The following TTC23 variants were observed in gnomAD, a reference collection of about 807,000 sequenced individuals.
The protein encoded by TTC23 is tetratricopeptide repeat domain 23.
In TTC23, 58 loss-of-function variants were observed where a neutral mutation model predicts 55.1. The observed-to-expected ratio is 1.05, with a 90% CI of 0.85 to 1.31. The LOEUF (loss-of-function observed/expected upper bound fraction) is 1.31, where lower values mean the gene tolerates loss of function less well. Ranked by LOEUF, TTC23 falls within the 50% of genes most tolerant of loss-of-function variation. TTC23 has a pLI of 0.00. For synonymous variants in TTC23, 203 were observed against 199.9 expected (o/e 1.02, Z -0.13); for missense variants, 516 against 534.4 (o/e 0.97, Z 0.34).
chr15:99,194,552 CAAA>C (rs760038465), intron 9 of TTC23, among the ~76,000 whole-genome samples: 2 of 40,452 alleles, frequency 4.9e-5, no homozygotes, highest in Non-Finnish European at 1.0e-4. Flanking sequence ...ACATCACGTG[CAAA>C]AAAAAAAAAA....
intron 8 of TTC23, among the ~76,000 whole-genome samples, chr15:99,210,940 C>T (rs1244261844): frequency 6.6e-6 from 1 of 152,170 alleles, no homozygotes; most frequent in Non-Finnish European, 1.5e-5. Context: ...CTCCTCCTTC[C>T]TAGTAAGTAC....
At position 99,156,306 on chromosome 15, in the gene TTC23, G is replaced by T; in HGVS notation, c.994-9C>A. 1 of 1,612,480 alleles carries T rather than the reference G, an allele frequency of 6.2e-7. No homozygotes were observed. The highest frequency in any genetic ancestry group is 8.5e-7 in the Non-Finnish European group (1 of 1,179,112). On this transcript the variant is annotated splice_polypyrimidine_tract_variant and intron_variant, in intron 11 of 13. Coordinates refer to ENST00000394132, the MANE Select transcript of TTC23 (RefSeq NM_001288615.3). ...AGGATCGAGGTTGCTCTCTGTGAAA[G>T]GAACAAAAAGCTATCTGGTTAACAA...
chr15:99,244,765 T>G (rs1419452783), intron 2 of TTC23, among the ~76,000 whole-genome samples: 2 of 152,112 alleles, frequency 1.3e-5, no homozygotes, highest in African/African-American at 4.8e-5. Flanking sequence ...TTTGCAGAAA[T>G]TAACAAGTTG....
chr15:99,205,099 G>T (rs1403144533), intron 8 of TTC23, among the ~76,000 whole-genome samples: 1 of 152,120 alleles, frequency 6.6e-6, no homozygotes, highest in Non-Finnish European at 1.5e-5. Flanking sequence ...TAAAAAATGA[G>T]TTGACTGTAA....
intron 8 of TTC23, among the ~76,000 whole-genome samples, chr15:99,217,161 T>C (rs923888217): frequency 1.7e-5 from 2 of 117,490 alleles, no homozygotes; most frequent in African/African-American, 6.1e-5. Context: ...TTTTTTTCTC[T>C]TCTTTTTTTT....
chr15:99,236,235 T>C (rs1236060450), intron 3 of TTC23, among the ~76,000 whole-genome samples: 3 of 152,206 alleles, frequency 2.0e-5, no homozygotes, highest in Non-Finnish European at 2.9e-5. Flanking sequence ...ACAGAGGCTA[T>C]GCCATTCTAC....
chr15:99,209,558 TG>T (rs34736243), intron 8 of TTC23, among the ~76,000 whole-genome samples: 1 of 152,182 alleles, frequency 6.6e-6, no homozygotes, highest in Non-Finnish European at 1.5e-5. Context: ...TGTGTGACCC[TG>T]GAAGTGACCT....
At chr15:99,145,945 C>T (rs1819351215) in intron 12 of TTC23, among the ~76,000 whole-genome samples, 1 of 152,202 alleles carries the variant, frequency 6.6e-6, no homozygotes, top group African/African-American at 2.4e-5. Flanking sequence ...AGAAAGCTCG[C>T]CCTGAGTATC....
chr15:99,197,101 GTTC>G (rs1198981439), intron 9 of TTC23, among the ~76,000 whole-genome samples: 1 of 148,734 alleles, frequency 6.7e-6, no homozygotes, highest in Non-Finnish European at 1.5e-5. Flanking sequence ...TGTGGTTTCT[GTTC>G]TTTTTTTTTT....
chr15:99,182,417 G>A (rs1279949648), intron 9 of TTC23, among the ~76,000 whole-genome samples: 4 of 152,116 alleles, frequency 2.6e-5, no homozygotes, highest in African/African-American at 9.7e-5. Flanking sequence ...GATTATTTTT[G>A]TATGGTTATT....
At chr15:99,211,551 A>G (rs2077042093) in intron 8 of TTC23, among the ~76,000 whole-genome samples, 1 of 152,206 alleles carries the variant, frequency 6.6e-6, no homozygotes, top group Non-Finnish European at 1.5e-5. Flanking sequence ...AATATGTGAT[A>G]TAAGTACCTG....
intron 6 of TTC23, 121 bp from the exon 7 acceptor site, chr15:99,219,169 G>T: frequency 2.7e-6 from 3 of 1,122,282 alleles, no homozygotes; most frequent in Non-Finnish European, 3.8e-6. Context: ...GACACATGGA[G>T]ACGTATCTGG....
intron 8 of TTC23, among the ~76,000 whole-genome samples, chr15:99,207,698 A>G (rs1555524521): frequency 6.6e-6 from 1 of 152,246 alleles, no homozygotes; most frequent in African/African-American, 2.4e-5. Flanking sequence ...TGGAGGATGC[A>G]GTGAGCTGAG....
chr15:99,201,245 C>G (rs1413190120), intron 8 of TTC23, among the ~76,000 whole-genome samples: 2 of 152,130 alleles, frequency 1.3e-5, no homozygotes, highest in Non-Finnish European at 2.9e-5. Context: ...GAATAAGAAT[C>G]TCTCATATAA....
chr15:99,242,454 C>G (rs1390930413), intron 2 of TTC23, among the ~76,000 whole-genome samples: 1 of 152,160 alleles, frequency 6.6e-6, no homozygotes, highest in Non-Finnish European at 1.5e-5. Context: ...TTTGAAAACT[C>G]TAACAGAAGA....
intron 12 of TTC23, chr15:99,139,673 A>C (rs2067993532): frequency 7.1e-7 from 1 of 1,408,514 alleles, no homozygotes; most frequent in African/African-American, 1.5e-5. Context: ...TTTAAAAATA[A>C]AGGCAAGAAC....
intron 12 of TTC23, 191 bp downstream of exon 12, chr15:99,155,957 T>A (rs1004581404): frequency 4.8e-6 from 3 of 631,190 alleles, no homozygotes; most frequent in Admixed American, 6.1e-5. Flanking sequence ...AAAAAATATG[T>A]ATGTCTAAGA....
chr15:99,234,326 G>A (rs935129229), intron 4 of TTC23, among the ~76,000 whole-genome samples: 6 of 152,116 alleles, frequency 3.9e-5, no homozygotes, highest in African/African-American at 1.4e-4. Context: ...CAAGAAAACA[G>A]CTCACTATAC....
intron 8 of TTC23, among the ~76,000 whole-genome samples, chr15:99,213,431 G>A (rs1274260374): frequency 6.6e-6 from 1 of 152,240 alleles, no homozygotes; most frequent in African/African-American, 2.4e-5. Context: ...AAAGCACTCA[G>A]AGGAGGTGCC....
Sources: gnomAD v4.1 joint callset for allele counts (sites outside exome capture counted in the v4.1 genomes callset) on GRCh38, gnomAD v4.1.1 for gene constraint, MANE v1.5 for transcripts, NCBI Gene and HGNC (gene_info 2026-07-23, HGNC 2026-07-21) for gene names.